The following MMP16 variants were observed in gnomAD, a reference collection of about 807,000 sequenced individuals.
The protein encoded by MMP16 is matrix metalloproteinase-16.
A neutral mutation model predicts 67.8 loss-of-function variants in MMP16; 12 were observed. The ratio of observed to expected loss-of-function variants is 0.18; its 90% CI spans 0.11 to 0.29. The LOEUF (loss-of-function observed/expected upper bound fraction) is 0.29. Ranked by LOEUF, MMP16 falls within the 10% of genes least tolerant of loss-of-function variation. The pLI is 1.00. For missense variants in MMP16, 475 were observed against 765.7 expected (o/e 0.62, Z 4.48); for synonymous variants, 249 against 255.9 (o/e 0.97, Z 0.26).
intron 2 of MMP16, among the ~76,000 whole-genome samples, chr8:88,196,409 G>A (rs1459955163): frequency 6.6e-6 from 1 of 152,090 alleles, no homozygotes; most frequent in Non-Finnish European, 1.5e-5. Context: ...TTGCGATTAT[G>A]TCTATCTATG....
At chr8:88,066,425 T>C (rs919136699) in intron 7 of MMP16, among the ~76,000 whole-genome samples, 2 of 152,092 alleles carry the variant, frequency 1.3e-5, no homozygotes, top group Admixed American at 1.3e-4. Context: ...CGAGGTGTGA[T>C]ACATTTTCTA....
intron 7 of MMP16, among the ~76,000 whole-genome samples, chr8:88,057,934 T>C (rs965815337): frequency 6.6e-6 from 1 of 152,014 alleles, no homozygotes; most frequent in African/African-American, 2.4e-5. Flanking sequence ...CATATATAAC[T>C]TCAGTAATTG....
intron 6 of MMP16, among the ~76,000 whole-genome samples, chr8:88,103,183 T>G (rs906416039): frequency 4.0e-5 from 6 of 151,818 alleles, no homozygotes; most frequent in African/African-American, 1.4e-4. Context: ...CACCCGCACA[T>G]GCAGATTATA....
rs537445276 is a variant in MMP16 at position 88,086,989 on chromosome 8, T to G, written c.1084-12246A>C. On this transcript the variant is annotated intron_variant, in intron 6 of 9. Transcript: ENST00000286614. The stretch of plus-strand genomic sequence containing the variant: ...AGAGAAAAACAGAGACAGAGAGAGA[T>G]CAGCAAATCTTTTGCTTGGCCAGGA... Among the ~76,000 whole-genome samples, 10 of 151,942 alleles carry G rather than the reference T, an allele frequency of 6.6e-5. No homozygotes were observed. In the East Asian group the frequency reaches 1.7e-3, roughly 27 times the overall value.
intron 1 of MMP16, among the ~76,000 whole-genome samples, chr8:88,290,755 C>A (rs951721249): frequency 6.6e-6 from 1 of 152,042 alleles, no homozygotes; most frequent in Non-Finnish European, 1.5e-5. Flanking sequence ...GACAAAATCC[C>A]AAACTGGTAA....
intron 1 of MMP16, among the ~76,000 whole-genome samples, chr8:88,224,317 A>ATAAC (rs1809733305): frequency 6.6e-6 from 1 of 152,098 alleles, no homozygotes; most frequent in Non-Finnish European, 1.5e-5. Context: ...TATGAATCAC[A>ATAAC]TAACTGATTA....
At chr8:88,191,280 G>A (rs1237830687) in intron 2 of MMP16, among the ~76,000 whole-genome samples, 1 of 151,964 alleles carries the variant, frequency 6.6e-6, no homozygotes. Context: ...TTTATACTTC[G>A]GTTTCCGCAT....
At chr8:88,221,490 G>C (rs966689576) in intron 1 of MMP16, among the ~76,000 whole-genome samples, 4 of 151,882 alleles carry the variant, frequency 2.6e-5, no homozygotes, top group African/African-American at 9.7e-5. Flanking sequence ...CATTTAAAAA[G>C]AGCCATGCAG....
intron 4 of MMP16, among the ~76,000 whole-genome samples, chr8:88,126,525 T>C (rs1437688821): frequency 6.6e-6 from 1 of 151,894 alleles, no homozygotes; most frequent in Non-Finnish European, 1.5e-5. Flanking sequence ...TATTGTATTT[T>C]ATACTTGAAA....
intron 1 of MMP16, among the ~76,000 whole-genome samples, chr8:88,208,518 T>C (rs924210336): frequency 1.3e-5 from 2 of 152,144 alleles, no homozygotes; most frequent in African/African-American, 4.8e-5. Flanking sequence ...CAAAGTGGTC[T>C]ACCTGGCCCC....
At chr8:88,067,218 G>T (rs1808474588) in intron 7 of MMP16, among the ~76,000 whole-genome samples, 1 of 152,038 alleles carries the variant, frequency 6.6e-6, no homozygotes, top group African/African-American at 2.4e-5. Context: ...ATGCATCTCA[G>T]CTATGAGGGT....
chr8:88,136,863 C>T (rs901357181), intron 4 of MMP16, among the ~76,000 whole-genome samples: 3 of 151,624 alleles, frequency 2.0e-5, no homozygotes, highest in Admixed American at 1.3e-4. Flanking sequence ...CCACATTATA[C>T]CATTACATTC....
chr8:88,158,504 T>G (rs1387611203), intron 4 of MMP16, among the ~76,000 whole-genome samples: 1 of 152,178 alleles, frequency 6.6e-6, no homozygotes, highest in African/African-American at 2.4e-5. Context: ...TTGCCCACTT[T>G]TTGATGGGGT....
intron 7 of MMP16, among the ~76,000 whole-genome samples, chr8:88,060,253 T>C (rs927706895): frequency 6.6e-6 from 1 of 152,138 alleles, no homozygotes; most frequent in Non-Finnish European, 1.5e-5. Context: ...CTTTAGCCAA[T>C]GGTACCATGC....
intron 9 of MMP16, among the ~76,000 whole-genome samples, chr8:88,043,714 G>A (rs1808163213): frequency 6.6e-6 from 1 of 152,136 alleles, no homozygotes; most frequent in Admixed American, 6.5e-5. Flanking sequence ...AGTTTTGAAG[G>A]ACAGTTTTGC....
chr8:88,245,552 C>T (rs1374841007), intron 1 of MMP16, among the ~76,000 whole-genome samples: 1 of 152,106 alleles, frequency 6.6e-6, no homozygotes, highest in East Asian at 1.9e-4. Flanking sequence ...TTTTCCTGGA[C>T]AAGGTGAACA....
chr8:88,070,466 T>G (rs140327293), intron 7 of MMP16, among the ~76,000 whole-genome samples: 228 of 152,220 alleles, frequency 1.5e-3, no homozygotes, highest in African/African-American at 5.3e-3. Context: ...CTCCTTTTGT[T>G]CCCACTGATT....
intron 8 of MMP16, among the ~76,000 whole-genome samples, chr8:88,048,582 G>T (rs1358534702): frequency 3.3e-5 from 5 of 152,112 alleles, no homozygotes; most frequent in Non-Finnish European, 7.4e-5. Flanking sequence ...TGAGAGAGGA[G>T]AATTCTTGGA....
At position 88,271,946 on chromosome 8, in the gene MMP16, G is replaced by T. The variant is rs116955379; in HGVS notation, c.132+55129C>A. Among the ~76,000 whole-genome samples the T allele has an allele frequency of 8.1e-4, 123 of 152,242 alleles. 1 individual carries two copies. In the East Asian group the frequency reaches 0.019, roughly 24 times the overall value. ...TAGAGAAGGCAGAATTTGAACATTG[G>T]CTCAGCAATTTACCAGCTAAGAGAT... On this transcript the variant is annotated intron_variant, in intron 1 of 9. Transcript: ENST00000286614.
Sources: allele counts gnomAD v4.1 joint callset (sites outside exome capture counted in the v4.1 genomes callset), GRCh38; gene constraint gnomAD v4.1.1; transcripts MANE v1.5; gene names NCBI Gene and HGNC (gene_info 2026-07-23, HGNC 2026-07-21).